Variants in SCN9A observed in about 807,000 individuals in gnomAD.
The protein encoded by SCN9A is sodium channel protein type 9 subunit alpha.
Under a neutral mutation model 187.0 loss-of-function variants are expected in SCN9A, and 131 were observed. That is an observed-to-expected ratio of 0.70 (90% CI 0.61 to 0.81). The LOEUF is 0.81. Among genes scored for constraint, SCN9A ranks in the 30% least tolerant of loss-of-function variants. The probability of loss-of-function intolerance (pLI) is 0.00; values close to 1 mark genes in which losing one functional copy is unlikely to be tolerated. For missense variants in SCN9A, 2,252 were observed against 2,396.6 expected (o/e 0.94, Z 1.26); for synonymous variants, 809 against 808.6 (o/e 1.00, Z -0.01).
chr2:166,365,259 G>A (rs1344824269), intron 1 of SCN9A, among the ~76,000 whole-genome samples: 1 of 152,054 alleles, frequency 6.6e-6, no homozygotes, highest in Non-Finnish European at 1.5e-5. Context: ...TACATAAATA[G>A]TAAATCAGTA....
At position 166,297,121 on chromosome 2, in the gene SCN9A, C is replaced by T. The variant is rs989909234; in HGVS notation, c.902-2459G>A. Among the ~76,000 whole-genome samples the T allele has an allele frequency of 8.0e-5, 11 of 137,992 alleles. No homozygotes were observed. In the East Asian group the frequency reaches 1.6e-3, roughly 21 times the overall value. 90.5% of individuals were successfully genotyped at this position (137,992 alleles called of 152,430 possible). ...CTGAGGCAGGAGAATGGTGTGAACC[C>T]GGGAGGCGGAGCTTACAGTGAGCCG... On this transcript the variant is annotated intron_variant, in intron 7 of 26. Transcript: ENST00000642356.
chr2:166,199,621 T>A lies in SCN9A; in HGVS notation c.5018A>T (p.Asp1673Val). ...AAAATTGAACATGTCATTAATTCCA[T>A]CTTCCTTTTTAACATAGGCAAAGTT... is the stretch of plus-strand genomic sequence containing the variant. ...MSNFAYVKKE[D>V]GINDMFNFET... The change falls in exon 27 of 27, where the codon GAT (aspartate) becomes GTT (valine). Residue 1673 changes from aspartate (D) to valine (V), a missense_variant. By Grantham distance (152) the Asp-to-Val change is radical. Transcript: ENST00000642356. The A allele has an allele frequency of 6.2e-7, 1 of 1,614,178 alleles. No individual in the cohort carries two copies. The highest frequency in any genetic ancestry group is 1.3e-5 in the African/African-American group (1 of 75,018).
intron 17 of SCN9A, among the ~76,000 whole-genome samples, chr2:166,254,066 T>C (rs1339450289): frequency 2.6e-5 from 4 of 151,736 alleles, no homozygotes; most frequent in Admixed American, 1.3e-4. Flanking sequence ...CGTGATTTTA[T>C]ATAGTGTATC....
At chr2:166,224,630 T>C (rs1047913286) in intron 24 of SCN9A, among the ~76,000 whole-genome samples, 20 of 152,170 alleles carry the variant, frequency 1.3e-4, no homozygotes, top group African/African-American at 4.6e-4. Context: ...GATTCTACCC[T>C]CTAAAATGTT....
Position 166,284,808 on chromosome 2 carries a change from C to A in SCN9A, c.1619G>T (p.Arg540Leu). ...TCGCCTTGCAGAAAACAAGGAGCCA[C>A]GAATGCTGAGTGGTGACTGCAGAAA... The part of the protein sequence containing the change: ...STPNQSPLSI[R>L]GSLFSARRSS... Residue 540 changes from arginine (R) to leucine (L), a missense_variant, in exon 12 of 27, where the codon CGT becomes CTT. This residue lies in a region of SCN9A where 1,013 missense variants were observed against 997.4 expected (regional missense o/e 1.02). Transcript: ENST00000642356. 1 of 1,610,956 alleles carries A rather than the reference C, an allele frequency of 6.2e-7. No homozygotes were observed. The highest frequency in any genetic ancestry group is 8.5e-7 in the Non-Finnish European group (1 of 1,179,210).
chr2:166,343,615 A>G (rs1174119108), intron 1 of SCN9A, among the ~76,000 whole-genome samples: 2 of 152,012 alleles, frequency 1.3e-5, no homozygotes, highest in African/African-American at 4.8e-5. Context: ...GAAAAAGTGG[A>G]AGGCCAGGTG....
At chr2:166,305,989 T>A in intron 4 of SCN9A, 69 bp from the exon 5 acceptor site, 2 of 1,574,838 alleles carry the variant, frequency 1.3e-6, no homozygotes, top group South Asian at 1.1e-5. Context: ...TCTTTATAAC[T>A]TATTTTCTCT....
Position 166,359,964 on chromosome 2 carries a change from A to G in SCN9A, c.-51+15733T>C, listed in dbSNP as rs532851603. On this transcript the variant is annotated intron_variant, in intron 1 of 26. Transcript: ENST00000642356. ...TTGCCGGGCGTGGTGGCTCACGCCT[A>G]TAATCCCAGCACTTTGGGAAGCCGA... 3.0e-3 allele frequency among the ~76,000 whole-genome samples: 451 copies of G among 151,896 alleles called. 2 individuals are homozygous for G. Among genetic ancestry groups the G allele is most frequent in the African/African-American group, 0.01 (416 of 41,498 alleles).
At chr2:166,210,880 CA>C (rs946179708) in intron 24 of SCN9A, among the ~76,000 whole-genome samples, 5 of 151,768 alleles carry the variant, frequency 3.3e-5, no homozygotes, top group African/African-American at 1.2e-4. Context: ...GCCAACATGG[CA>C]AAACCACATC....
intron 3 of SCN9A, 41 bp downstream of exon 3, chr2:166,306,915 C>G: frequency 8.8e-7 from 1 of 1,141,916 alleles, no homozygotes; most frequent in Non-Finnish European, 1.3e-6. Context: ...AAAAATTACA[C>G]CATAAAGTGC....
intron 24 of SCN9A, among the ~76,000 whole-genome samples, chr2:166,217,042 C>A (rs1314104023): frequency 6.6e-6 from 1 of 151,844 alleles, no homozygotes; most frequent in Non-Finnish European, 1.5e-5. Context: ...ATAAAAAGCC[C>A]AGAAATAAAC....
intron 24 of SCN9A, among the ~76,000 whole-genome samples, chr2:166,207,500 C>T (rs1430263548): frequency 6.6e-6 from 1 of 151,720 alleles, no homozygotes; most frequent in African/African-American, 2.4e-5. Flanking sequence ...GAGTGCAGTG[C>T]CACCATCTTG....
At chr2:166,252,526 C>G (rs1003953972) in intron 17 of SCN9A, among the ~76,000 whole-genome samples, 1 of 151,860 alleles carries the variant, frequency 6.6e-6, no homozygotes, top group African/African-American at 2.4e-5. Flanking sequence ...CAACACCACC[C>G]ATTTTGTATA....
intron 21 of SCN9A, among the ~76,000 whole-genome samples, chr2:166,232,477 AC>A (rs772387355): frequency 4.6e-5 from 7 of 152,144 alleles, no homozygotes; most frequent in Non-Finnish European, 8.8e-5. Flanking sequence ...AATGCTCCTT[AC>A]CCAGGTAGTT....
chr2:166,358,112 C>G (rs989135003), intron 1 of SCN9A, among the ~76,000 whole-genome samples: 1 of 150,996 alleles, frequency 6.6e-6, no homozygotes, highest in African/African-American at 2.4e-5. Context: ...TCTCATTGCC[C>G]AGGCTGGAGT....
chr2:166,318,988 A>C (rs748690640), intron 1 of SCN9A, among the ~76,000 whole-genome samples: 45 of 152,288 alleles, frequency 3.0e-4, no homozygotes, highest in South Asian at 6.2e-4. Flanking sequence ...GTAATGGCAG[A>C]AAATTCACCA....
At chr2:166,316,545 A>C (rs1699113284) in intron 1 of SCN9A, among the ~76,000 whole-genome samples, 1 of 152,186 alleles carries the variant, frequency 6.6e-6, no homozygotes, top group Admixed American at 6.5e-5. Flanking sequence ...GTACAAAAAA[A>C]TTAGCCAGGC....
At chr2:166,281,981 C>T (rs1429327841) in intron 12 of SCN9A, among the ~76,000 whole-genome samples, 173 bp from the exon 13 acceptor site, 1 of 152,144 alleles carries the variant, frequency 6.6e-6, no homozygotes, top group Admixed American at 6.6e-5. Flanking sequence ...AGCTACTTAA[C>T]TGTCTCAGTT....
intron 1 of SCN9A, among the ~76,000 whole-genome samples, chr2:166,331,005 G>T (rs573729847): frequency 6.6e-6 from 1 of 152,000 alleles, no homozygotes; most frequent in African/African-American, 2.4e-5. Context: ...GAGAAAAAAT[G>T]CAAAAATACA....
Sources: allele counts gnomAD v4.1 joint callset (sites outside exome capture counted in the v4.1 genomes callset), GRCh38; gene constraint gnomAD v4.1.1; regional missense constraint gnomAD v4.1.1; transcripts MANE v1.5; gene names NCBI Gene and HGNC (gene_info 2026-07-23, HGNC 2026-07-21).